RUFY3: variants seen among roughly 807,000 people sequenced by gnomAD.
RUFY3 encodes the protein RUN and FYVE domain containing 3, also known as protein RUFY3.
Under a neutral mutation model 84.0 loss-of-function variants are expected in RUFY3, and 34 were observed. The observed-to-expected ratio is 0.40, with a 90% confidence interval of 0.31 to 0.54. The LOEUF is 0.54. RUFY3 is among the 20% of genes least tolerant of loss of function. RUFY3 has a pLI of 0.39. For synonymous variants in RUFY3, 242 were observed against 252.9 expected (o/e 0.96, Z 0.41); for missense variants, 507 against 736.8 (o/e 0.69, Z 3.61).
In RUFY3 at chr4:70,794,802, C is replaced by A. The variant is rs767424639; in HGVS notation, c.1465C>A (p.Leu489Ile). The A allele has an allele frequency of 1.2e-6, 2 of 1,609,624 alleles. No individual in the cohort carries two copies. The change falls in exon 14 of 18, where the codon CTT becomes ATT. Residue 489 changes from leucine (L) to isoleucine (I), a missense_variant. Around this residue, in one of 4 missense-constraint regions of RUFY3, gnomAD observed 334 missense variants for 364.1 expected, o/e 0.92. Coordinates refer to ENST00000381006, the MANE Select transcript of RUFY3 (RefSeq NM_001037442.4). ...CTCTCCAACTTACCTCAGGAACCAG[C>A]TTGAGTTAGAACTAAAACAGGAAAA... ...VEELTRQRNQ[L>I]ELELKQEKER...
At chr4:70,780,151 A>AT (rs1284790291) in intron 8 of RUFY3, among the ~76,000 whole-genome samples, 1 of 152,100 alleles carries the variant, frequency 6.6e-6, no homozygotes, top group Non-Finnish European at 1.5e-5. Context: ...TTCAGCACAG[A>AT]TTTTTTACTG....
At chr4:70,773,413 G>T in intron 5 of RUFY3, 98 bp from the exon 6 acceptor site, 1 of 743,694 alleles carries the variant, frequency 1.3e-6, no homozygotes, top group South Asian at 1.7e-5. Context: ...TAAGTGTCAT[G>T]ACTGTATTAC....
intron 17 of RUFY3, among the ~76,000 whole-genome samples, chr4:70,805,135 A>G (rs1732708029): frequency 6.6e-6 from 1 of 152,220 alleles, no homozygotes; most frequent in Non-Finnish European, 1.5e-5. Context: ...TCTAATGCTA[A>G]CTACATTTCC....
intron 2 of RUFY3, 98 bp downstream of exon 2, chr4:70,762,790 G>C: frequency 9.7e-7 from 1 of 1,033,080 alleles, no homozygotes; most frequent in Non-Finnish European, 1.4e-6. Flanking sequence ...AGAATAAGAG[G>C]CTTGAATTAA....
intron 1 of RUFY3, among the ~76,000 whole-genome samples, chr4:70,726,449 A>G (rs1718257918): frequency 6.6e-6 from 1 of 151,748 alleles, no homozygotes; most frequent in African/African-American, 2.4e-5. Flanking sequence ...TGCAACCTCC[A>G]CCTCCCAGGT....
intron 2 of RUFY3, among the ~76,000 whole-genome samples, chr4:70,763,282 A>G (rs996385929): frequency 4.6e-5 from 7 of 152,030 alleles, no homozygotes; most frequent in South Asian, 2.1e-4. Flanking sequence ...ATACCACACA[A>G]TTTTAGGCAC....
In RUFY3 at chr4:70,743,518, A is replaced by G. The variant is rs113386699; in HGVS notation, c.179-19001A>G. ...CATGACTCATCACAGGCAAGATTCT[A>G]TTTCTTTAATACAAAGTATTAATAA... On this transcript the variant is annotated intron_variant, in intron 1 of 17. Coordinates refer to ENST00000381006, the MANE Select transcript of RUFY3 (RefSeq NM_001037442.4). Among the ~76,000 whole-genome samples, 749 of 152,272 alleles carry G rather than the reference A, an allele frequency of 4.9e-3. 8 individuals are homozygous for G. Among genetic ancestry groups the G allele is most frequent in the African/African-American group, 0.017 (716 of 41,560 alleles).
rs563785232 is a variant in RUFY3, at chr4:70,731,163, G to A, written c.178+8412G>A. ...AACAATTCTCCTGCCTTAGGCTCCT[G>A]AGTAGCTGGGATTACAGGTGCCCGC... is the stretch of plus-strand genomic sequence containing the variant. On this transcript the variant is annotated intron_variant, in intron 1 of 17. Transcript: ENST00000381006. Among the ~76,000 whole-genome samples the A allele has an allele frequency of 1.7e-3, 261 of 151,740 alleles. 3 individuals carry two copies. The highest frequency in any genetic ancestry group is 1.2e-3 in the Non-Finnish European group (79 of 67,962).
chr4:70,720,751 CAA>C (rs1330879703), upstream of RUFY3, among the ~76,000 whole-genome samples: 1 of 152,054 alleles, frequency 6.6e-6, no homozygotes, highest in Non-Finnish European at 1.5e-5. Flanking sequence ...CAAAAACAAA[CAA>C]ACACTTTCTT....
In RUFY3 at chr4:70,722,750, AGGTAT is replaced by A; in HGVS notation, c.178+3_178+7del. 6.2e-7 allele frequency: 1 copy of A among 1,613,690 alleles called. No homozygotes were observed. On this transcript the variant is annotated splice_donor_variant and splice_donor_region_variant and coding_sequence_variant and intron_variant, in exon 1 of 18. Transcript: ENST00000381006. LOFTEE classifies it high-confidence loss of function. ...CACCTGACCCAGAGCCTACCCATGAAGGTATGGTCAGATCCTGTCCGCTAGTATTT... is the reference window on the plus strand; with the variant it reads ...CACCTGACCCAGAGCCTACCCATGAAGGTCAGATCCTGTCCGCTAGTATTT...
intron 1 of RUFY3, among the ~76,000 whole-genome samples, chr4:70,705,664 G>A (rs965194318): frequency 1.3e-5 from 2 of 152,142 alleles, no homozygotes; most frequent in Admixed American, 1.3e-4. Flanking sequence ...CCCTGTCCCG[G>A]GTCCCGGGCT....
chr4:70,717,750 G>A (rs57887879), upstream of RUFY3, among the ~76,000 whole-genome samples: 2 of 151,992 alleles, frequency 1.3e-5, no homozygotes, highest in African/African-American at 4.8e-5. Context: ...TGGAGTAACA[G>A]ATCTGCTACT....
intron 14 of RUFY3, among the ~76,000 whole-genome samples, chr4:70,799,019 G>A (rs1191761262): frequency 3.3e-5 from 5 of 150,188 alleles, no homozygotes; most frequent in Admixed American, 1.3e-4. Flanking sequence ...AATGGTGGGC[G>A]CCTGTAATCC....
At position 70,768,681 on chromosome 4, in the gene RUFY3, TC is replaced by T; in HGVS notation, c.696+23del. ...TCTCAGGTATGGGAAAGAGACTCAT[TC>T]CCATGGGTGTCACTCTGAGTTCTGC... On this transcript the variant is annotated intron_variant, in intron 5 of 17. Transcript: ENST00000381006. 1 of 1,611,808 alleles carries T rather than the reference TC, an allele frequency of 6.2e-7. No homozygotes were observed. The highest frequency in any genetic ancestry group is 1.1e-5 in the South Asian group (1 of 90,654).
In RUFY3 at chr4:70,789,530, A is replaced by G. The variant is rs1489231076; in HGVS notation, c.1275A>G (p.Leu425=). ...TAGGAGTAAAACAGAAAAGTGAACT[A>G]AACAGTCGCTTGGAAGAGAAGACTA... The part of the protein sequence containing the change: ...SDLGVKQKSE[L]NSRLEEKTNQ... The change falls in exon 12 of 18, where the codon CTA becomes CTG. Residue 425 remains leucine (L), a synonymous_variant. Transcript: ENST00000381006. 2.5e-6 allele frequency: 4 copies of G among 1,613,056 alleles called. No individual in the cohort carries two copies. Among genetic ancestry groups the G allele is most frequent in the East Asian group, 2.2e-5 (1 of 44,758 alleles).
chr4:70,740,269 T>G lies in RUFY3; in HGVS notation c.178+17518T>G, dbSNP rs1007678666. 2.6e-5 allele frequency among the ~76,000 whole-genome samples: 4 copies of G among 152,150 alleles called. No individual in the cohort carries two copies. The East Asian group carries it at 7.7e-4, about 29-fold the overall frequency. On this transcript the variant is annotated intron_variant, in intron 1 of 17. Transcript: ENST00000381006. ...AGTTTCTGGGGGAGAAAAGTTCTCT[T>G]AAATTAATTGCATCACTCTGATACT...
chr4:70,775,165 C>A lies in RUFY3; in HGVS notation c.759-3C>A. The A allele has an allele frequency of 6.3e-7, 1 of 1,592,396 alleles. No homozygotes were observed. The highest frequency in any genetic ancestry group is 8.6e-7 in the Non-Finnish European group (1 of 1,165,924). ...TATTTCTATTTTCTTCCCCTTCCCC[C>A]AGAGACGGTCAGATTACTGCAATTC... On this transcript the variant is annotated splice_region_variant and splice_polypyrimidine_tract_variant and intron_variant, in intron 6 of 17. Transcript: ENST00000381006.
At chr4:70,709,754 T>G (rs1231269846) in intron 1 of RUFY3, among the ~76,000 whole-genome samples, 4 of 152,188 alleles carry the variant, frequency 2.6e-5, no homozygotes, top group African/African-American at 9.7e-5. Context: ...CAGCTTCTAT[T>G]TAGTTATTCT....
intron 4 of RUFY3, among the ~76,000 whole-genome samples, chr4:70,768,160 A>G (rs981887547): frequency 6.6e-5 from 10 of 152,206 alleles, no homozygotes; most frequent in Non-Finnish European, 1.5e-4. Flanking sequence ...TAAGATGCAT[A>G]AAAGATTGCA....
Sources: allele counts gnomAD v4.1 joint callset (sites outside exome capture counted in the v4.1 genomes callset), GRCh38; gene constraint gnomAD v4.1.1; regional missense constraint gnomAD v4.1.1; transcripts MANE v1.5; gene names NCBI Gene and HGNC (gene_info 2026-07-23, HGNC 2026-07-21).